Variants in SPACA7 observed in about 807,000 individuals in gnomAD.
SPACA7 encodes the protein sperm acrosome-associated protein 7.
In SPACA7, 19 loss-of-function variants were observed where a neutral mutation model predicts 26.3. The ratio of observed to expected loss-of-function variants is 0.72; its 90% CI spans 0.50 to 1.06. The LOEUF (loss-of-function observed/expected upper bound fraction) is 1.06. Among genes scored for constraint, SPACA7 ranks in the 50% least tolerant of loss-of-function variants. The pLI is 0.00. For missense variants in SPACA7, 211 were observed against 229.9 expected (o/e 0.92, Z 0.53); for synonymous variants, 84 against 84.5 (o/e 0.99, Z 0.04).
chr13:112,390,571 A>G (rs987286884), intron 1 of SPACA7, among the ~76,000 whole-genome samples: 1 of 152,170 alleles, frequency 6.6e-6, no homozygotes, highest in Non-Finnish European at 1.5e-5. Context: ...TTGGTTCACT[A>G]TTCTGTGAAC....
At chr13:112,412,064 C>T (rs778900367) in intron 5 of SPACA7, among the ~76,000 whole-genome samples, 14 of 152,114 alleles carry the variant, frequency 9.2e-5, no homozygotes, top group Non-Finnish European at 1.2e-4. Context: ...TTTACACTCC[C>T]ACCAACAATG....
intron 1 of SPACA7, among the ~76,000 whole-genome samples, chr13:112,388,405 A>G (rs192958513): frequency 2.6e-5 from 4 of 152,310 alleles, no homozygotes; most frequent in Admixed American, 2.6e-4. Flanking sequence ...TGATAGGGCT[A>G]CAGTTAAGGG....
At chr13:112,378,757 C>CA (rs1427088372) in intron 1 of SPACA7, 1 of 471,112 alleles carries the variant, frequency 2.1e-6, no homozygotes, top group Non-Finnish European at 4.4e-6. Context: ...TCCATCAAAT[C>CA]AACCTCAGTT....
chr13:112,401,117 G>T lies in SPACA7; in HGVS notation c.398G>T (p.Arg133Leu), dbSNP rs150944356. The T allele has an allele frequency of 6.2e-7, 1 of 1,613,994 alleles. No individual in the cohort carries two copies. Among genetic ancestry groups the T allele is most frequent in the African/African-American group, 1.3e-5 (1 of 74,904 alleles). Residue 133 changes from arginine (R) to leucine (L), a missense_variant, in exon 5 of 7, where the codon CGT becomes CTT. Arg to Leu is a moderately radical substitution (Grantham distance 102). Transcript: ENST00000283550. The stretch of plus-strand genomic sequence containing the variant: ...CATGGCGATCCTTCTGAGAATTATC[G>T]TGGGCCACAGGTGTCTCCTGGCAGT... ...NLHGDPSENYRGPQVSPGSEK... is the reference protein window; with the variant it reads ...NLHGDPSENYLGPQVSPGSEK...
At chr13:112,415,456 C>T (rs541698678) in intron 5 of SPACA7, among the ~76,000 whole-genome samples, 11 of 152,188 alleles carry the variant, frequency 7.2e-5, no homozygotes, top group African/African-American at 1.7e-4. Context: ...AGCCTGGGGT[C>T]GGCCTAGAAA....
chr13:112,410,926 C>A (rs2139002496), intron 5 of SPACA7, among the ~76,000 whole-genome samples: 2 of 152,184 alleles, frequency 1.3e-5, no homozygotes, highest in South Asian at 4.1e-4. Flanking sequence ...CATGGATAAG[C>A]AAAATGTTGT....
chr13:112,432,230 C>A (rs919187199), intron 5 of SPACA7, among the ~76,000 whole-genome samples: 1 of 152,208 alleles, frequency 6.6e-6, no homozygotes, highest in Non-Finnish European at 1.5e-5. Context: ...TGCTTCGGCA[C>A]CAAGCCACAC....
At chr13:112,417,242 T>G (rs184262211) in intron 5 of SPACA7, among the ~76,000 whole-genome samples, 2 of 152,274 alleles carry the variant, frequency 1.3e-5, no homozygotes, top group Non-Finnish European at 2.9e-5. Context: ...TGCTGTTGTT[T>G]TCTTCAATTA....
intron 1 of SPACA7, among the ~76,000 whole-genome samples, chr13:112,381,622 C>T (rs1004822131): frequency 1.3e-5 from 2 of 152,178 alleles, no homozygotes; most frequent in African/African-American, 4.8e-5. Context: ...TCACGCAGAG[C>T]CAGCTGTGCA....
intron 1 of SPACA7, among the ~76,000 whole-genome samples, chr13:112,381,493 CCA>C (rs145937569): frequency 0.46 from 65,485 of 142,346 alleles, 14,719 homozygotes; most frequent in South Asian, 0.57. Context: ...ACCCTGTCCC[CCA>C]AAAAAAAAAA....
chr13:112,423,584 A>T (rs146743148), intron 5 of SPACA7, among the ~76,000 whole-genome samples: 1 of 152,218 alleles, frequency 6.6e-6, no homozygotes, highest in East Asian at 1.9e-4. Flanking sequence ...ACCAGGAAAC[A>T]TAAAAGGTAA....
chr13:112,397,418 T>G (rs1885346708), intron 2 of SPACA7, among the ~76,000 whole-genome samples: 1 of 152,312 alleles, frequency 6.6e-6, no homozygotes, highest in East Asian at 1.9e-4. Flanking sequence ...GCTGAGCACC[T>G]TCTGCATACA....
At chr13:112,397,367 C>T (rs928486117) in intron 2 of SPACA7, among the ~76,000 whole-genome samples, 2 of 152,202 alleles carry the variant, frequency 1.3e-5, no homozygotes, top group African/African-American at 4.8e-5. Flanking sequence ...ACAGCGGTGA[C>T]TCTCGGTTGC....
In SPACA7 at chr13:112,401,084, CA is replaced by C; in HGVS notation, c.368del (p.Asn123IlefsTer88). 1 of 1,614,016 alleles carries C rather than the reference CA, an allele frequency of 6.2e-7. No homozygotes were observed. Among genetic ancestry groups the C allele is most frequent in the Non-Finnish European group, 8.5e-7 (1 of 1,179,906 alleles). On this transcript the variant is annotated frameshift_variant, in exon 5 of 7. Coordinates refer to ENST00000283550, the MANE Select transcript of SPACA7 (RefSeq NM_145248.5). LOFTEE classifies it high-confidence loss of function. ...GTCATTAAAGAAGCCAATGCTAATGCAAATCTCCATGGCGATCCTTCTGAGA... is the reference window on the plus strand; with the variant it reads ...GTCATTAAAGAAGCCAATGCTAATGCAATCTCCATGGCGATCCTTCTGAGA... Reference protein sequence around the residue: ...KISNDEANANANLHGDPSENY... With the variant: ...KISNDEANANXNLHGDPSENY...
intron 5 of SPACA7, among the ~76,000 whole-genome samples, chr13:112,425,310 G>T (rs1876429505): frequency 6.6e-6 from 1 of 152,334 alleles, no homozygotes; most frequent in South Asian, 2.1e-4. Flanking sequence ...CATGTTTACT[G>T]ATGGCACATG....
intron 1 of SPACA7, among the ~76,000 whole-genome samples, chr13:112,383,502 T>C (rs1463115011): frequency 1.3e-5 from 2 of 152,362 alleles, no homozygotes; most frequent in South Asian, 4.1e-4. Flanking sequence ...ATTTTTCACT[T>C]AGATTTTAAT....
At chr13:112,384,667 A>G (rs1884414515) in intron 1 of SPACA7, among the ~76,000 whole-genome samples, 1 of 152,198 alleles carries the variant, frequency 6.6e-6, no homozygotes. Context: ...CCAAAATGAT[A>G]ACTTCAAAAT....
chr13:112,405,575 T>A (rs4907698), intron 5 of SPACA7, among the ~76,000 whole-genome samples: 99,800 of 152,012 alleles, frequency 0.66, 33,301 homozygotes, highest in African/African-American at 0.78. Flanking sequence ...GCTCATGGTT[T>A]CATAAATATA....
At chr13:112,398,885 G>C (rs1440327723) in intron 3 of SPACA7, among the ~76,000 whole-genome samples, 181 bp from the exon 4 acceptor site, 1 of 152,192 alleles carries the variant, frequency 6.6e-6, no homozygotes, top group East Asian at 1.9e-4. Context: ...TGGTTCAAGG[G>C]AGTCAGAGGG....
Sources: gnomAD v4.1 joint callset for allele counts (sites outside exome capture counted in the v4.1 genomes callset) on GRCh38, gnomAD v4.1.1 for gene constraint, MANE v1.5 for transcripts, NCBI Gene and HGNC (gene_info 2026-07-23, HGNC 2026-07-21) for gene names.